The following AKAP19 variants were observed in gnomAD, a reference collection of about 807,000 sequenced individuals.
The protein encoded by AKAP19 is small A-kinase anchoring protein.
At chr2:189,923,472 G>C in the AKAP19 span, 48 of 1,613,918 alleles carry the variant, frequency 3.0e-5, no homozygotes, top group Non-Finnish European at 3.9e-5. Flanking sequence ...ATTGTGGGCT[G>C]CTCTGTTCAT....
chr2:190,013,678 G>T, the AKAP19 span, among the ~76,000 whole-genome samples: 1 of 151,848 alleles, frequency 6.6e-6, no homozygotes, highest in African/African-American at 2.4e-5. Context: ...ACCATGCCTG[G>T]CTAATTTTTT....
the AKAP19 span, among the ~76,000 whole-genome samples, chr2:190,146,808 T>C: frequency 1.3e-5 from 2 of 152,208 alleles, no homozygotes; most frequent in African/African-American, 2.4e-5. Context: ...CTTTTGAGAA[T>C]TGTCTTTTCA....
the AKAP19 span, among the ~76,000 whole-genome samples, chr2:190,134,232 C>T: frequency 2.6e-5 from 4 of 152,030 alleles, no homozygotes. Context: ...TATGGGCTCT[C>T]GTTCATTGAA....
At chr2:190,088,991 T>C in the AKAP19 span, among the ~76,000 whole-genome samples, 1 of 152,214 alleles carries the variant, frequency 6.6e-6, no homozygotes, top group Non-Finnish European at 1.5e-5. Flanking sequence ...GTTATTCTCA[T>C]GGAAGCCCTG....
the AKAP19 span, among the ~76,000 whole-genome samples, chr2:190,186,601 A>G: frequency 1.3e-5 from 2 of 152,186 alleles, no homozygotes; most frequent in Admixed American, 1.3e-4. This position sits in a 1 kb window ranked among gnomAD's most constrained non-coding sequence, Gnocchi z 5.5. Flanking sequence ...TGAAAGACAA[A>G]GAACACTACA....
the AKAP19 span, among the ~76,000 whole-genome samples, chr2:189,912,554 A>G: frequency 6.6e-6 from 1 of 152,156 alleles, no homozygotes; most frequent in African/African-American, 2.4e-5. Flanking sequence ...CAACAACAAT[A>G]ACAACAAAAA....
the AKAP19 span, among the ~76,000 whole-genome samples, chr2:189,986,503 G>A: frequency 2.0e-5 from 3 of 152,010 alleles, no homozygotes; most frequent in Admixed American, 2.0e-4. Context: ...TCCTGGAACT[G>A]GAGTGCTACA....
the AKAP19 span, among the ~76,000 whole-genome samples, chr2:189,986,038 T>G: frequency 6.6e-6 from 1 of 151,978 alleles, no homozygotes; most frequent in African/African-American, 2.4e-5. Context: ...GCAAAAAAAT[T>G]TGAGAGAGGC....
chr2:190,114,557 G>A, the AKAP19 span, among the ~76,000 whole-genome samples: 1 of 152,152 alleles, frequency 6.6e-6, no homozygotes, highest in Non-Finnish European at 1.5e-5. Flanking sequence ...CTGGATTCAC[G>A]CCATTCTCCT....
chr2:190,073,471 C>T, the AKAP19 span, among the ~76,000 whole-genome samples: 4 of 152,094 alleles, frequency 2.6e-5, no homozygotes, highest in East Asian at 7.7e-4. Flanking sequence ...TACCAGGTCT[C>T]CTTTTGAAGT....
At chr2:190,186,821 A>G in the AKAP19 span, among the ~76,000 whole-genome samples, 3 of 152,122 alleles carry the variant, frequency 2.0e-5, no homozygotes, top group Non-Finnish European at 2.9e-5. This position sits in a 1 kb window ranked among gnomAD's most constrained non-coding sequence, Gnocchi z 5.5. Context: ...GAACTGAGAT[A>G]TATGTATTTT....
chr2:190,199,225 A>AG, the AKAP19 span, among the ~76,000 whole-genome samples: 1 of 152,150 alleles, frequency 6.6e-6, no homozygotes. Context: ...TTTTTTGTAA[A>AG]GGGTCAGATA....
the AKAP19 span, among the ~76,000 whole-genome samples, chr2:189,933,984 T>C: frequency 6.6e-6 from 1 of 152,248 alleles, no homozygotes; most frequent in Admixed American, 6.5e-5. Flanking sequence ...AGAAGATTAC[T>C]CATCTAAACA....
the AKAP19 span, among the ~76,000 whole-genome samples, chr2:190,035,246 C>T: frequency 6.6e-6 from 1 of 152,060 alleles, no homozygotes; most frequent in African/African-American, 2.4e-5. Context: ...GCCTGGCCAA[C>T]ACAGTGAAAC....
At chr2:189,933,721 A>G in the AKAP19 span, among the ~76,000 whole-genome samples, 3 of 152,134 alleles carry the variant, frequency 2.0e-5, no homozygotes, top group Non-Finnish European at 4.4e-5. Context: ...AATGATAATA[A>G]CCTATTTTTC....
chr2:190,132,424 T>C, the AKAP19 span, among the ~76,000 whole-genome samples: 2 of 152,182 alleles, frequency 1.3e-5, no homozygotes, highest in African/African-American at 2.4e-5. Flanking sequence ...CAAAACAGCA[T>C]GGTACTGACA....
the AKAP19 span, chr2:190,057,489 G>T: frequency 2.5e-6 from 4 of 1,613,436 alleles, no homozygotes; most frequent in Non-Finnish European, 3.4e-6. Flanking sequence ...TTTTAGGAGC[G>T]ATAATCCAAT....
chr2:190,068,632 GC>G, the AKAP19 span, among the ~76,000 whole-genome samples: 2 of 152,138 alleles, frequency 1.3e-5, no homozygotes, highest in Non-Finnish European at 2.9e-5. Flanking sequence ...ACTGCACCTG[GC>G]CAGAACAGTG....
chr2:190,125,479 C>T, the AKAP19 span, among the ~76,000 whole-genome samples: 1 of 152,034 alleles, frequency 6.6e-6, no homozygotes, highest in Non-Finnish European at 1.5e-5. Flanking sequence ...CAGCTTTCTA[C>T]AAAGTATAGA....
Sources: allele counts gnomAD v4.1 joint callset (sites outside exome capture counted in the v4.1 genomes callset), GRCh38; gene constraint gnomAD v4.1.1; non-coding constraint Gnocchi (gnomAD v3.1); transcripts MANE v1.5; gene names NCBI Gene and HGNC (gene_info 2026-07-23, HGNC 2026-07-21).